The following RNF130 variants were observed in gnomAD, a reference collection of about 807,000 sequenced individuals.
RNF130 encodes the protein ring finger protein 130.
RNF130 carries 21 observed loss-of-function variants against 44.6 expected under a neutral mutation model. The observed-to-expected ratio is 0.47, with a 90% CI of 0.33 to 0.68. RNF130 has a LOEUF of 0.68. RNF130 is among the 30% of genes least tolerant of loss of function. The pLI is 0.02. For missense variants in RNF130, 479 were observed against 560.6 expected (o/e 0.85, Z 1.47); for synonymous variants, 214 against 210.4 (o/e 1.02, Z -0.15).
At chr5:179,994,870 T>G (rs1240903296) in intron 3 of RNF130, among the ~76,000 whole-genome samples, 1 of 152,220 alleles carries the variant, frequency 6.6e-6, no homozygotes, top group African/African-American at 2.4e-5. Context: ...TTACGACTTA[T>G]CTTTGTTAAC....
Position 179,957,348 on chromosome 5 carries a change from G to A in RNF130, c.1245-1679C>T, listed in dbSNP as rs572484049. ...AACTGCTTGAACCTGGGAGGCAGAA[G>A]TTGCAGTGAGCCGAGATCCCACCAC... is the stretch of plus-strand genomic sequence containing the variant. On this transcript the variant is annotated intron_variant, in intron 8 of 8. Coordinates refer to ENST00000521389, the MANE Select transcript of RNF130 (RefSeq NM_018434.6). 5.7e-4 allele frequency among the ~76,000 whole-genome samples: 86 copies of A among 152,154 alleles called. 2 individuals are homozygous for A. The highest frequency in any genetic ancestry group is 4.6e-4 in the Admixed American group (7 of 15,270).
chr5:179,937,255 C>T (rs888827967), intron 7 of RNF130, among the ~76,000 whole-genome samples: 6 of 146,566 alleles, frequency 4.1e-5, no homozygotes, highest in Non-Finnish European at 6.0e-5. Flanking sequence ...ATCAAGAAAA[C>T]GAATACACAA....
chr5:179,928,980 A>G (rs939997133), intron 7 of RNF130, among the ~76,000 whole-genome samples: 1 of 152,128 alleles, frequency 6.6e-6, no homozygotes, highest in Non-Finnish European at 1.5e-5. Flanking sequence ...GTGTGGAACA[A>G]ATTATCTAAC....
At chr5:180,024,078 A>C (rs1484060615) in intron 2 of RNF130, among the ~76,000 whole-genome samples, 1 of 152,206 alleles carries the variant, frequency 6.6e-6, no homozygotes, top group Non-Finnish European at 1.5e-5. Flanking sequence ...AAACTATCAA[A>C]CATGTCCCAG....
chr5:180,016,309 ACTTTTAAGGAT>A (rs1763729760), intron 2 of RNF130, among the ~76,000 whole-genome samples: 1 of 151,454 alleles, frequency 6.6e-6, no homozygotes, highest in Non-Finnish European at 1.5e-5. Context: ...CAGACACTTG[ACTTTTAAGGAT>A]CTGAGGAGCT....
intron 2 of RNF130, among the ~76,000 whole-genome samples, chr5:180,023,914 C>T (rs886589512): frequency 6.6e-6 from 1 of 152,210 alleles, no homozygotes; most frequent in Non-Finnish European, 1.5e-5. Context: ...ACCTGACAGA[C>T]ACTACCTCAG....
intron 7 of RNF130, among the ~76,000 whole-genome samples, chr5:179,948,381 T>G (rs1288912917): frequency 1.3e-5 from 2 of 152,254 alleles, no homozygotes. Context: ...TTCTGTTTGT[T>G]GCTCTTGGCC....
intron 7 of RNF130, among the ~76,000 whole-genome samples, chr5:179,964,988 G>A (rs562319126): frequency 3.3e-5 from 5 of 152,234 alleles, no homozygotes; most frequent in South Asian, 2.1e-4. Flanking sequence ...ATCAAGAGCC[G>A]AATGTCATCA....
At chr5:179,993,567 G>A (rs1400242864) in intron 3 of RNF130, among the ~76,000 whole-genome samples, 4 of 151,082 alleles carry the variant, frequency 2.6e-5, no homozygotes, top group African/African-American at 9.6e-5. Flanking sequence ...TTTTTGATGG[G>A]GTTGTTTGAT....
intron 8 of RNF130, among the ~76,000 whole-genome samples, chr5:179,961,714 A>C (rs569417414): frequency 6.6e-6 from 1 of 152,316 alleles, no homozygotes; most frequent in East Asian, 1.9e-4. Flanking sequence ...AATAAGCAAA[A>C]GAGGTGGCTG....
At chr5:179,927,244 T>C (rs1761719451) in intron 7 of RNF130, among the ~76,000 whole-genome samples, 1 of 152,194 alleles carries the variant, frequency 6.6e-6, no homozygotes, top group East Asian at 1.9e-4. Flanking sequence ...GAGGAAGGTA[T>C]GAGTCTGGCT....
At chr5:180,011,658 T>C (rs1163466389) in intron 3 of RNF130, among the ~76,000 whole-genome samples, 1 of 151,972 alleles carries the variant, frequency 6.6e-6, no homozygotes, top group Non-Finnish European at 1.5e-5. Flanking sequence ...TCCTAGCTAC[T>C]CAGAAGATTG....
intron 7 of RNF130, among the ~76,000 whole-genome samples, chr5:179,930,175 A>G (rs1215651274): frequency 6.6e-6 from 1 of 152,030 alleles, no homozygotes; most frequent in African/African-American, 2.4e-5. Context: ...CTCCTGCCTC[A>G]GCCTCCCGAG....
At chr5:180,044,648 A>G (rs532555564) in intron 1 of RNF130, among the ~76,000 whole-genome samples, 1 of 152,236 alleles carries the variant, frequency 6.6e-6, no homozygotes, top group Non-Finnish European at 1.5e-5. Flanking sequence ...CCTGACCAAC[A>G]CAGCGAAACC....
At chr5:179,951,556 T>C (rs1451598330), downstream of RNF130, among the ~76,000 whole-genome samples, 2 of 152,168 alleles carry the variant, frequency 1.3e-5, no homozygotes, top group African/African-American at 4.8e-5. Context: ...GCTAATTTTT[T>C]GTATTTTTAG....
At chr5:179,990,736 C>A (rs1489089076) in intron 3 of RNF130, among the ~76,000 whole-genome samples, 1 of 152,254 alleles carries the variant, frequency 6.6e-6, no homozygotes, top group Non-Finnish European at 1.5e-5. Context: ...GTGGCCCTGT[C>A]TGGGCGTGAC....
intron 7 of RNF130, among the ~76,000 whole-genome samples, chr5:179,946,424 T>C (rs1283176864): frequency 6.6e-6 from 1 of 152,174 alleles, no homozygotes; most frequent in Non-Finnish European, 1.5e-5. Context: ...GACATTTCCC[T>C]TAAAAGGGAC....
chr5:180,025,729 T>C (rs1013670453), intron 2 of RNF130, among the ~76,000 whole-genome samples: 5 of 152,344 alleles, frequency 3.3e-5, no homozygotes, highest in African/African-American at 1.2e-4. Context: ...CCTTACTTCC[T>C]GCCACAGCAG....
chr5:179,997,243 G>A (rs1252381313), intron 3 of RNF130, among the ~76,000 whole-genome samples: 1 of 152,184 alleles, frequency 6.6e-6, no homozygotes, highest in Non-Finnish European at 1.5e-5. Flanking sequence ...CTGGGCTCAA[G>A]TGATTCTTCC....
Sources: gnomAD v4.1 joint callset for allele counts (sites outside exome capture counted in the v4.1 genomes callset) on GRCh38, gnomAD v4.1.1 for gene constraint, MANE v1.5 for transcripts, NCBI Gene and HGNC (gene_info 2026-07-23, HGNC 2026-07-21) for gene names.